The following MINK1 variants were observed in gnomAD, a reference collection of about 807,000 sequenced individuals.
MINK1 encodes the protein misshapen like kinase 1.
Under a neutral mutation model 178.4 loss-of-function variants are expected in MINK1, and 46 were observed. That is an observed-to-expected ratio of 0.26 (90% CI 0.20 to 0.33). MINK1 has a LOEUF of 0.33. Among genes scored for constraint, MINK1 ranks in the 10% least tolerant of loss-of-function variants. MINK1 has a pLI of 1.00. For synonymous variants in MINK1, 797 were observed against 709.7 expected (o/e 1.12, Z -1.96); for missense variants, 1,366 against 1,814.9 (o/e 0.75, Z 4.49).
chr17:4,893,905 G>A, intron 21 of MINK1, 83 bp from the exon 22 acceptor site: 1 of 1,174,874 alleles, frequency 8.5e-7, no homozygotes, highest in Non-Finnish European at 1.2e-6. Context: ...ACAAAAGCCT[G>A]GGCTCTGGCT....
At chr17:4,849,577 T>C (rs934477673) in intron 1 of MINK1, among the ~76,000 whole-genome samples, 4 of 152,126 alleles carry the variant, frequency 2.6e-5, no homozygotes, top group Non-Finnish European at 5.9e-5. Context: ...CAGCGTGTTT[T>C]GTTTGTTTGT....
rs925203211 is a variant in MINK1, at chr17:4,885,975, G to T, written c.694+10G>T. ...GCAGAGGGAGCCCCCCGTAAGTTCTGAGTCTGCCGGGAGTGGGAGGGGAGG... is the reference window on the plus strand; with the variant it reads ...GCAGAGGGAGCCCCCCGTAAGTTCTTAGTCTGCCGGGAGTGGGAGGGGAGG... On this transcript the variant is annotated intron_variant, in intron 8 of 31. Transcript: ENST00000355280. This position sits in a 1 kb window ranked among gnomAD's most constrained non-coding sequence, Gnocchi z 5.0. The T allele has an allele frequency of 6.2e-7, 1 of 1,613,706 alleles. No homozygotes were observed. The highest frequency in any genetic ancestry group is 1.3e-5 in the African/African-American group (1 of 74,892).
intron 1 of MINK1, among the ~76,000 whole-genome samples, chr17:4,837,219 G>A (rs893565925): frequency 2.0e-5 from 3 of 152,170 alleles, no homozygotes; most frequent in African/African-American, 7.2e-5. Context: ...AAACAGTTCG[G>A]TGAAAGCTAA....
At position 4,895,882 on chromosome 17, in the gene MINK1, GAA is replaced by G. The variant is rs758398729; in HGVS notation, c.3364+52_3364+53del. On this transcript the variant is annotated intron_variant, in intron 27 of 31. Transcript: ENST00000355280. The surrounding 1 kb of genome is among the most constrained non-coding windows in gnomAD (Gnocchi z 4.3). ...CAGCGCATACTTGTTCATGAAGAGA[GAA>G]ATGGATCTGGGAGCCAGGGACTTGG... 6.3e-7 allele frequency: 1 copy of G among 1,598,574 alleles called. No homozygotes were observed. The highest frequency in any genetic ancestry group is 8.5e-7 in the Non-Finnish European group (1 of 1,170,890).
intron 1 of MINK1, among the ~76,000 whole-genome samples, chr17:4,842,071 A>G (rs1316964256): frequency 6.6e-6 from 1 of 152,058 alleles, no homozygotes; most frequent in African/African-American, 2.4e-5. Context: ...AATACAAAAA[A>G]AAATTAGCCG....
Position 4,855,783 on chromosome 17 carries a change from A to G in MINK1, c.57+22143A>G, listed in dbSNP as rs1480911046. 3.0e-4 allele frequency among the ~76,000 whole-genome samples: 45 copies of G among 150,556 alleles called. 1 individual carries two copies. Among genetic ancestry groups the G allele is most frequent in the Admixed American group, 2.6e-3 (39 of 15,130 alleles). On this transcript the variant is annotated intron_variant, in intron 1 of 31. Transcript: ENST00000355280. ...AGACTCCGTCTCAAAAAAAAAAAAA[A>G]AAAAGAAAGAAACCCCATCTCTACT... is the stretch of plus-strand genomic sequence containing the variant.
In MINK1 at chr17:4,886,835, G is replaced by T. The variant is rs778588134; in HGVS notation, c.949+209G>T. Among the ~76,000 whole-genome samples the T allele has an allele frequency of 6.6e-6, 1 of 152,202 alleles. No homozygotes were observed. The highest frequency in any genetic ancestry group is 1.9e-4 in the East Asian group (1 of 5,194). On this transcript the variant is annotated intron_variant, in intron 10 of 31. Transcript: ENST00000355280. This position sits in a 1 kb window ranked among gnomAD's most constrained non-coding sequence, Gnocchi z 6.1. ...TGAATCAGCCTTCCAAAGGAGGACC[G>T]GCCTTTCGCATCCTTACAAAAACTC...
chr17:4,887,480 T>G lies in MINK1; in HGVS notation c.1020-100T>G. 8.7e-7 allele frequency: 1 copy of G among 1,155,576 alleles called. No homozygotes were observed. The highest frequency in any genetic ancestry group is 1.2e-6 in the Non-Finnish European group (1 of 831,912). The allele number at this position is 1,155,576 out of a possible 1,614,324, so 71.6% of individuals were successfully genotyped here. A position where few individuals can be genotyped will look rare whatever the true frequency, so the allele number is the denominator to read the frequency against. On this transcript the variant is annotated intron_variant, in intron 11 of 31. Coordinates refer to ENST00000355280, the MANE Select transcript of MINK1 (RefSeq NM_153827.5). The surrounding 1 kb of genome is among the most constrained non-coding windows in gnomAD (Gnocchi z 7.6). ...CTGGGAGTGGCCAGAGGCAGAGGCT[T>G]TGATCCAGTTAAAGCACCCACTCAG...
chr17:4,856,867 C>T (rs962990313), intron 1 of MINK1: 1 of 160,642 alleles, frequency 6.2e-6, no homozygotes, highest in Non-Finnish European at 1.4e-5. Flanking sequence ...CTGCCCAGCA[C>T]ATGCGTGTCA....
At chr17:4,877,284 CA>C (rs1967268199) in intron 1 of MINK1, among the ~76,000 whole-genome samples, 1 of 152,172 alleles carries the variant, frequency 6.6e-6, no homozygotes, top group African/African-American at 2.4e-5. Flanking sequence ...GCTCTTGGCC[CA>C]GGGGGAGGAC....
chr17:4,892,442 C>T lies in MINK1; in HGVS notation c.2128C>T (p.Arg710Trp), dbSNP rs371749445. The T allele has an allele frequency of 5.6e-5, 87 of 1,563,870 alleles. No homozygotes were observed. The highest frequency in any genetic ancestry group is 6.6e-5 in the Non-Finnish European group (76 of 1,155,486). Residue 710 changes from arginine (R) to tryptophan (W), a missense_variant, in exon 18 of 32, where the codon CGG (arginine) becomes TGG (tryptophan). Physicochemically the swap from Arg to Trp is moderately radical, Grantham distance 101 (BLOSUM62 -3). Around this residue, in one of 14 missense-constraint regions of MINK1, gnomAD observed 709 missense variants for 692.3 expected, o/e 1.02. Coordinates refer to ENST00000355280, the MANE Select transcript of MINK1 (RefSeq NM_153827.5). ...CGCCTGGCAAATCTATCTGCAAAGGCGGGCAGAGCGGGGCACCCCAAAGCC... is the reference window on the plus strand; with the variant it reads ...CGCCTGGCAAATCTATCTGCAAAGGTGGGCAGAGCGGGGCACCCCAAAGCC... ...NSAWQIYLQRRAERGTPKPPG... is the reference protein window; with the variant it reads ...NSAWQIYLQRWAERGTPKPPG...
intron 1 of MINK1, among the ~76,000 whole-genome samples, chr17:4,872,349 A>T (rs929113799): frequency 1.3e-5 from 2 of 148,202 alleles, no homozygotes; most frequent in African/African-American, 5.0e-5. Flanking sequence ...AAAAAAAAGG[A>T]TGGACAGAGT....
At position 4,886,011 on chromosome 17, in the gene MINK1, G is replaced by A. The variant is rs1968162082; in HGVS notation, c.694+46G>A. On this transcript the variant is annotated intron_variant, in intron 8 of 31. Transcript: ENST00000355280. This position sits in a 1 kb window ranked among gnomAD's most constrained non-coding sequence, Gnocchi z 6.1. ...GAGTGGGAGGGGAGGGAAAGGAAGGGCCCAGAGAGTGGCTGTAGGGAGGAG... is the reference window on the plus strand; with the variant it reads ...GAGTGGGAGGGGAGGGAAAGGAAGGACCCAGAGAGTGGCTGTAGGGAGGAG... 6.2e-7 allele frequency: 1 copy of A among 1,611,660 alleles called. No individual in the cohort carries two copies. Among genetic ancestry groups the A allele is most frequent in the Non-Finnish European group, 8.5e-7 (1 of 1,177,840 alleles).
At chr17:4,854,397 A>G (rs1411583913) in intron 1 of MINK1, among the ~76,000 whole-genome samples, 2 of 152,168 alleles carry the variant, frequency 1.3e-5, no homozygotes, top group Non-Finnish European at 2.9e-5. Flanking sequence ...GAACCTAGAC[A>G]TGGAGGCAGC....
At position 4,886,929 on chromosome 17, in the gene MINK1, G is replaced by T. The variant is rs562155332; in HGVS notation, c.950-181G>T. 6.7e-6 allele frequency among the ~76,000 whole-genome samples: 1 copy of T among 149,710 alleles called. No individual in the cohort carries two copies. The highest frequency in any genetic ancestry group is 2.1e-4 in the South Asian group (1 of 4,818). On this transcript the variant is annotated intron_variant, in intron 10 of 31. Transcript: ENST00000355280. The surrounding 1 kb of genome is among the most constrained non-coding windows in gnomAD (Gnocchi z 6.1). ...CACACCTCAGCTGCCCTGGGACCCA[G>T]TCCCGGTCCTGTCCAGGCCCACACC...
chr17:4,876,895 C>A (rs1409121837), intron 1 of MINK1, among the ~76,000 whole-genome samples: 1 of 151,976 alleles, frequency 6.6e-6, no homozygotes, highest in East Asian at 1.9e-4. Flanking sequence ...TGAGAACAGT[C>A]TGGACAACAT....
rs565775780 is a variant in MINK1 at position 4,887,092 on chromosome 17, A to C, written c.950-18A>C. The C allele has an allele frequency of 1.9e-6, 3 of 1,576,384 alleles. No homozygotes were observed. The South Asian group carries it at 3.5e-5, about 18-fold the overall frequency. On this transcript the variant is annotated intron_variant, in intron 10 of 31. Transcript: ENST00000355280. This position sits in a 1 kb window ranked among gnomAD's most constrained non-coding sequence, Gnocchi z 7.6. ...CTGGGGCGCTGGGTGAGATAACTGCAGTGGCCTCCCCCTGCAGAGGAGACA... is the reference window on the plus strand; with the variant it reads ...CTGGGGCGCTGGGTGAGATAACTGCCGTGGCCTCCCCCTGCAGAGGAGACA...
chr17:4,886,175 G>A lies in MINK1; in HGVS notation c.750G>A (p.Pro250=), dbSNP rs577128234. ...TCTTCCTCATTCCTCGGAACCCTCC[G>A]CCCAGGCTCAAGTCCAAGAAGTGGT... ...RALFLIPRNP[P]PRLKSKKWSK... Residue 250 remains proline (P), a synonymous_variant, in exon 9 of 32, where the codon CCG becomes CCA. Transcript: ENST00000355280. The surrounding 1 kb of genome is among the most constrained non-coding windows in gnomAD (Gnocchi z 6.1). The A allele has an allele frequency of 3.6e-5, 58 of 1,613,946 alleles. No homozygotes were observed. In the Admixed American group the frequency reaches 6.7e-4, roughly 19 times the overall value.
chr17:4,872,104 C>T (rs568681205), intron 1 of MINK1, among the ~76,000 whole-genome samples: 45 of 151,230 alleles, frequency 3.0e-4, no homozygotes, highest in South Asian at 6.3e-4. Flanking sequence ...CCGAGGTGGG[C>T]GGATCACTTG....
Sources: allele counts gnomAD v4.1 joint callset (sites outside exome capture counted in the v4.1 genomes callset), GRCh38; gene constraint gnomAD v4.1.1; regional missense constraint gnomAD v4.1.1; non-coding constraint Gnocchi (gnomAD v3.1); transcripts MANE v1.5; gene names NCBI Gene and HGNC (gene_info 2026-07-23, HGNC 2026-07-21).